MGAT4C: variants seen among roughly 807,000 people sequenced by gnomAD.
The protein encoded by MGAT4C is alpha-1,3-mannosyl-glycoprotein 4-beta-N-acetylglucosaminyltransferase C.
A neutral mutation model predicts 40.1 loss-of-function variants in MGAT4C; 19 were observed. That is an observed-to-expected ratio of 0.47 (90% CI 0.33 to 0.70). MGAT4C has a LOEUF of 0.70. Ranked by LOEUF, MGAT4C falls within the 30% of genes least tolerant of loss-of-function variation. The pLI, the probability that MGAT4C is intolerant of heterozygous loss-of-function variation, is 0.02. For synonymous variants in MGAT4C, 181 were observed against 187.1 expected, an observed-to-expected ratio of 0.97 and a Z score of 0.27; for missense variants, 491 against 563.2, an observed-to-expected ratio of 0.87 and a Z score of 1.30.
intron 1 of MGAT4C, among the ~76,000 whole-genome samples, chr12:86,822,011 A>G (rs1435750841): frequency 1.3e-5 from 2 of 151,052 alleles, no homozygotes; most frequent in African/African-American, 4.8e-5. Flanking sequence ...ATGTTTAAAG[A>G]CACAATACGA....
rs113936841 is a variant in MGAT4C, at chr12:86,400,041, A to G, written c.-120+35116T>C. ...CAGGGGAGACAGTGTTGTGTGACTG[A>G]GTCCTCAATCTGTGGGAACTGAGGC... is the stretch of plus-strand genomic sequence containing the variant. On this transcript the variant is annotated intron_variant, in intron 3 of 7. Coordinates refer to the MGAT4C transcript ENST00000548651. Among the ~76,000 whole-genome samples, 757 of 152,276 alleles carry G rather than the reference A, an allele frequency of 5.0e-3. 3 individuals carry two copies. Among genetic ancestry groups the G allele is most frequent in the African/African-American group, 0.017 (727 of 41,554 alleles).
chr12:86,314,905 A>C (rs1485624608), intron 4 of MGAT4C, among the ~76,000 whole-genome samples: 1 of 152,230 alleles, frequency 6.6e-6, no homozygotes, highest in Non-Finnish European at 1.5e-5. Context: ...CAGTATTGTT[A>C]AAGTGGCCAT....
chr12:86,062,831 A>G (rs1894129568), intron 1 of MGAT4C, among the ~76,000 whole-genome samples: 1 of 152,038 alleles, frequency 6.6e-6, no homozygotes, highest in Non-Finnish European at 1.5e-5. Context: ...AGAAAAAAGA[A>G]TGAAAAAGAA....
intron 2 of MGAT4C, among the ~76,000 whole-genome samples, chr12:86,046,906 A>C (rs536182456): frequency 2.6e-5 from 4 of 152,220 alleles, no homozygotes; most frequent in Non-Finnish European, 4.4e-5. Flanking sequence ...AATACAAAGC[A>C]CTGCTAAACT....
intron 2 of MGAT4C, among the ~76,000 whole-genome samples, chr12:86,012,921 T>C (rs1453842420): frequency 6.6e-6 from 1 of 151,360 alleles, no homozygotes; most frequent in Non-Finnish European, 1.5e-5. Flanking sequence ...GACAGGTGTT[T>C]GCGACCAGGG....
chr12:86,605,913 G>A (rs1471477897), intron 2 of MGAT4C, among the ~76,000 whole-genome samples: 1 of 152,130 alleles, frequency 6.6e-6, no homozygotes, highest in African/African-American at 2.4e-5. Flanking sequence ...AGAACTGCCT[G>A]ACACTGGGTA....
intron 1 of MGAT4C, among the ~76,000 whole-genome samples, chr12:86,237,328 A>G (rs916360274): frequency 5.3e-5 from 8 of 151,874 alleles, no homozygotes; most frequent in Admixed American, 1.3e-4. Flanking sequence ...TAAAATTGTG[A>G]TAGTTTGCAA....
intron 1 of MGAT4C, among the ~76,000 whole-genome samples, chr12:86,103,271 A>T (rs1301072260): frequency 1.3e-5 from 2 of 152,192 alleles, no homozygotes; most frequent in Non-Finnish European, 2.9e-5. Context: ...TATGTGGCAG[A>T]AAATGTATAA....
chr12:86,739,293 A>G (rs1178583223), intron 1 of MGAT4C, among the ~76,000 whole-genome samples: 1 of 141,292 alleles, frequency 7.1e-6, no homozygotes, highest in Non-Finnish European at 1.6e-5. Context: ...TGTTATATTT[A>G]CAAGTCTATA....
intron 2 of MGAT4C, among the ~76,000 whole-genome samples, chr12:86,484,759 T>C (rs373151325): frequency 6.6e-6 from 1 of 152,032 alleles, no homozygotes; most frequent in African/African-American, 2.4e-5. Flanking sequence ...AGAGCCCAAA[T>C]GCCCAGAACA....
chr12:86,044,649 C>T (rs1050668411), intron 2 of MGAT4C, among the ~76,000 whole-genome samples: 5 of 151,962 alleles, frequency 3.3e-5, no homozygotes, highest in Non-Finnish European at 5.9e-5. Context: ...TAGCAGCAGC[C>T]GATCTGCTGG....
At chr12:86,542,246 G>C (rs1301343187) in intron 2 of MGAT4C, among the ~76,000 whole-genome samples, 7 of 152,186 alleles carry the variant, frequency 4.6e-5, no homozygotes, top group African/African-American at 1.7e-4. Context: ...TTAGAATGTA[G>C]AAGAAATTGG....
intron 1 of MGAT4C, among the ~76,000 whole-genome samples, chr12:86,188,120 A>T (rs1394968780): frequency 1.3e-5 from 2 of 152,060 alleles, no homozygotes; most frequent in East Asian, 3.8e-4. Flanking sequence ...TGCTCAAGTT[A>T]TACTAGAAAA....
At position 86,769,351 on chromosome 12, in the gene MGAT4C, T is replaced by TA. The variant is rs1237008337; in HGVS notation, c.-261-42111dup. Among the ~76,000 whole-genome samples, 8 of 134,368 alleles carry TA rather than the reference T, an allele frequency of 6.0e-5. No individual in the cohort carries two copies. The Admixed American group carries it at 6.6e-4, about 11-fold the overall frequency. 88.2% of individuals were successfully genotyped at this position (134,368 alleles called of 152,430 possible). On this transcript the variant is annotated intron_variant, in intron 1 of 7. Coordinates refer to the MGAT4C transcript ENST00000548651. ...TCACACCAGTTAGAATGGCAATCAT[T>TA]AAAAAGTCTGGAAACAGGTGCTGGA...
In MGAT4C at chr12:86,038,008, G is replaced by A. The variant is rs186332837; in HGVS notation, c.-7+11666C>T. Reference sequence around the variant, plus strand: ...TCAAAGGAATGGGAAATGACAGTTTGAGAGAGAATGTGGGTCCAGGGGGCC... The same window carrying A: ...TCAAAGGAATGGGAAATGACAGTTTAAGAGAGAATGTGGGTCCAGGGGGCC... On this transcript the variant is annotated intron_variant, in intron 2 of 4. Coordinates refer to ENST00000611864, the MANE Select transcript of MGAT4C (RefSeq NM_001351288.2). Among the ~76,000 whole-genome samples, 11 of 149,762 alleles carry A rather than the reference G, an allele frequency of 7.3e-5. 1 individual carries two copies. Among genetic ancestry groups the A allele is most frequent in the Admixed American group, 4.0e-4 (6 of 14,938 alleles).
chr12:86,545,787 C>A (rs545753165), intron 2 of MGAT4C, among the ~76,000 whole-genome samples: 3 of 151,024 alleles, frequency 2.0e-5, no homozygotes, highest in South Asian at 4.2e-4. Context: ...GAAAAAAAAA[C>A]AAAAACTGAA....
At chr12:86,414,212 A>G (rs1360090920) in intron 3 of MGAT4C, among the ~76,000 whole-genome samples, 1 of 152,168 alleles carries the variant, frequency 6.6e-6, no homozygotes, top group Admixed American at 6.5e-5. Flanking sequence ...TAAATTGACT[A>G]TTGTGGGAAA....
At chr12:86,702,795 G>C (rs894719864) in intron 2 of MGAT4C, among the ~76,000 whole-genome samples, 1 of 152,104 alleles carries the variant, frequency 6.6e-6, no homozygotes, top group East Asian at 1.9e-4. Context: ...CATTCGCTCT[G>C]CAGCCCATTG....
chr12:86,706,552 C>G (rs1044162572), intron 2 of MGAT4C, among the ~76,000 whole-genome samples: 1 of 152,044 alleles, frequency 6.6e-6, no homozygotes, highest in Non-Finnish European at 1.5e-5. Flanking sequence ...GCCACCACAC[C>G]CAGCCTTATA....
Sources: gnomAD v4.1 joint callset for allele counts (sites outside exome capture counted in the v4.1 genomes callset) on GRCh38, gnomAD v4.1.1 for gene constraint, MANE v1.5 for transcripts, NCBI Gene and HGNC (gene_info 2026-07-23, HGNC 2026-07-21) for gene names.